Variants in PRDM5 observed in about 807,000 individuals in gnomAD.
PRDM5 encodes the protein PR domain zinc finger protein 5.
Under a neutral mutation model 81.2 loss-of-function variants are expected in PRDM5, and 56 were observed. The observed-to-expected ratio is 0.69, with a 90% confidence interval of 0.56 to 0.86. The LOEUF is 0.86. Ranked by LOEUF, PRDM5 falls within the 40% of genes least tolerant of loss-of-function variation. The probability of loss-of-function intolerance (pLI) is 0.00; values close to 1 mark genes in which losing one functional copy is unlikely to be tolerated. For synonymous variants in PRDM5, 267 were observed against 256.4 expected (o/e 1.04, Z -0.39); for missense variants, 697 against 770.1 (o/e 0.91, Z 1.12).
At chr4:120,899,747 C>T (rs770374756) in intron 2 of PRDM5, among the ~76,000 whole-genome samples, 7 of 152,106 alleles carry the variant, frequency 4.6e-5, no homozygotes, top group African/African-American at 7.2e-5. Flanking sequence ...CTGGAGATAA[C>T]GTCACATCCC....
At chr4:120,868,741 T>C (rs1317640325) in intron 2 of PRDM5, among the ~76,000 whole-genome samples, 2 of 152,140 alleles carry the variant, frequency 1.3e-5, no homozygotes, top group Non-Finnish European at 2.9e-5. Flanking sequence ...GAGTATTAGA[T>C]GATTAAATGT....
At chr4:120,895,014 T>G (rs1368347520) in intron 2 of PRDM5, among the ~76,000 whole-genome samples, 2 of 152,214 alleles carry the variant, frequency 1.3e-5, no homozygotes, top group Non-Finnish European at 2.9e-5. Context: ...AATTCCATTT[T>G]GTAAGATTTT....
intron 10 of PRDM5, among the ~76,000 whole-genome samples, chr4:120,793,806 AAG>A (rs1750940066): frequency 6.6e-6 from 1 of 152,246 alleles, no homozygotes; most frequent in South Asian, 2.1e-4. Context: ...ACTACAAAAA[AAG>A]ATAACGTGTG....
chr4:120,863,035 T>TA (rs956218912), intron 2 of PRDM5, among the ~76,000 whole-genome samples: 4 of 150,630 alleles, frequency 2.7e-5, no homozygotes, highest in African/African-American at 9.8e-5. Flanking sequence ...AGCACATGCC[T>TA]ATAAACTGGC....
At chr4:120,751,565 C>A (rs1744004496) in intron 14 of PRDM5, among the ~76,000 whole-genome samples, 1 of 151,750 alleles carries the variant, frequency 6.6e-6, no homozygotes, top group Non-Finnish European at 1.5e-5. Flanking sequence ...ATCTAAGCTG[C>A]AAAAATACAA....
At chr4:120,751,897 T>A (rs1317073918) in intron 14 of PRDM5, among the ~76,000 whole-genome samples, 1 of 152,200 alleles carries the variant, frequency 6.6e-6, no homozygotes, top group Non-Finnish European at 1.5e-5. Flanking sequence ...TGTACCTTAC[T>A]GAATTAGATA....
chr4:120,763,241 T>A (rs1578639865), intron 13 of PRDM5, among the ~76,000 whole-genome samples: 1 of 152,064 alleles, frequency 6.6e-6, no homozygotes. Context: ...AAAGCCAGAT[T>A]GGGTGGATTT....
intron 15 of PRDM5, among the ~76,000 whole-genome samples, chr4:120,703,168 G>A (rs1467406014): frequency 6.6e-6 from 1 of 151,906 alleles, no homozygotes; most frequent in Non-Finnish European, 1.5e-5. Flanking sequence ...GTTAATTCAT[G>A]TATTTTGTTT....
chr4:120,867,234 G>T lies in PRDM5; in HGVS notation c.178-13694C>A, dbSNP rs1761282593. ...GACCCTTAAGCAGAAAACCTACCTG[G>T]ACTTCTCACCCACACAACTGTGAGA... On this transcript the variant is annotated intron_variant, in intron 2 of 15. Transcript: ENST00000264808. Among the ~76,000 whole-genome samples the T allele has an allele frequency of 2.6e-5, 4 of 151,768 alleles. No individual in the cohort carries two copies. In the South Asian group the frequency reaches 8.4e-4, roughly 32 times the overall value.
chr4:120,817,191 T>A (rs1754634774), intron 5 of PRDM5, among the ~76,000 whole-genome samples: 2 of 152,208 alleles, frequency 1.3e-5, no homozygotes, highest in African/African-American at 4.8e-5. Flanking sequence ...TCCTTGCTTG[T>A]TTTTTAAGGA....
intron 13 of PRDM5, among the ~76,000 whole-genome samples, chr4:120,769,938 A>G (rs1346738364): frequency 6.6e-6 from 1 of 152,234 alleles, no homozygotes; most frequent in Non-Finnish European, 1.5e-5. Context: ...ATGTTAAAGT[A>G]ACAATTCTCT....
At chr4:120,768,792 G>C (rs1746790842) in intron 13 of PRDM5, among the ~76,000 whole-genome samples, 2 of 152,186 alleles carry the variant, frequency 1.3e-5, no homozygotes. Context: ...CAGTAAGTTT[G>C]GTGCTGGTTG....
At chr4:120,738,662 G>A (rs573632920) in intron 14 of PRDM5, among the ~76,000 whole-genome samples, 13 of 152,212 alleles carry the variant, frequency 8.5e-5, no homozygotes, top group African/African-American at 2.9e-4. Context: ...ATTGGTAAAT[G>A]GTGATATTGA....
At chr4:120,715,065 A>T (rs843556) in intron 14 of PRDM5, among the ~76,000 whole-genome samples, 109,668 of 152,006 alleles carry the variant, frequency 0.72, 40,706 homozygotes, top group East Asian at 0.86. Context: ...CCAAGAATAA[A>T]AGTGGTATGG....
At chr4:120,737,441 C>T (rs1741281777) in intron 14 of PRDM5, among the ~76,000 whole-genome samples, 1 of 152,162 alleles carries the variant, frequency 6.6e-6, no homozygotes, top group Admixed American at 6.5e-5. Flanking sequence ...CCAAAGACTC[C>T]AGGACCTCGG....
At chr4:120,691,790 G>T (rs963618709), downstream of PRDM5, 2 of 151,946 alleles carry the variant, frequency 1.3e-5, no homozygotes, top group African/African-American at 4.8e-5. Context: ...AAAAGCATGA[G>T]GTCTGGAGGT....
chr4:120,871,233 G>A (rs1761755057), intron 2 of PRDM5, among the ~76,000 whole-genome samples: 1 of 152,172 alleles, frequency 6.6e-6, no homozygotes, highest in African/African-American at 2.4e-5. Context: ...GAACAGGAAA[G>A]CTAAGCCTTC....
At chr4:120,704,647 T>A (rs1341207296) in intron 15 of PRDM5, among the ~76,000 whole-genome samples, 1 of 152,208 alleles carries the variant, frequency 6.6e-6, no homozygotes. Flanking sequence ...GTCTAGCCCT[T>A]GTGGAGTCCA....
At chr4:120,838,460 T>A (rs1436909899) in intron 3 of PRDM5, 2 of 152,222 alleles carry the variant, frequency 1.3e-5, no homozygotes, top group African/African-American at 4.8e-5. Context: ...TTCTAGCTTT[T>A]TGAAACTATA....
Sources: allele counts gnomAD v4.1 joint callset (sites outside exome capture counted in the v4.1 genomes callset), GRCh38; gene constraint gnomAD v4.1.1; transcripts MANE v1.5; gene names NCBI Gene and HGNC (gene_info 2026-07-23, HGNC 2026-07-21).